Variants in BRD10 observed in about 807,000 individuals in gnomAD.
BRD10 encodes bromodomain containing 10.
At chr9:5,921,565 T>C in the BRD10 span, 2 of 1,613,836 alleles carry the variant, frequency 1.2e-6, no homozygotes, top group African/African-American at 1.3e-5. Flanking sequence ...TAGATGGAGC[T>C]GATACCAGCA....
chr9:5,896,003 C>T, the BRD10 span, among the ~76,000 whole-genome samples: 1 of 152,326 alleles, frequency 6.6e-6, no homozygotes, highest in Admixed American at 6.5e-5. Flanking sequence ...GTCACGAGAA[C>T]ACACTGAACA....
At chr9:5,985,996 T>C in the BRD10 span, among the ~76,000 whole-genome samples, 6 of 152,172 alleles carry the variant, frequency 3.9e-5, no homozygotes, top group African/African-American at 1.4e-4. Flanking sequence ...AGGTCCAGGA[T>C]ACAAGTGCAG....
chr9:5,948,535 T>G, the BRD10 span, among the ~76,000 whole-genome samples: 1 of 151,942 alleles, frequency 6.6e-6, no homozygotes, highest in Non-Finnish European at 1.5e-5. Context: ...ATCTCAGAAC[T>G]ACATAATAAA....
At chr9:5,904,957 T>C in the BRD10 span, among the ~76,000 whole-genome samples, 1 of 151,968 alleles carries the variant, frequency 6.6e-6, no homozygotes, top group African/African-American at 2.4e-5. Context: ...GTATTTATAG[T>C]AGAGATGTCA....
chr9:5,959,019 T>C, the BRD10 span, among the ~76,000 whole-genome samples: 1 of 152,236 alleles, frequency 6.6e-6, no homozygotes, highest in Non-Finnish European at 1.5e-5. Context: ...TAAGCAAATT[T>C]CTTATCATAC....
At chr9:5,893,585 AC>A in the BRD10 span, among the ~76,000 whole-genome samples, 2 of 152,168 alleles carry the variant, frequency 1.3e-5, no homozygotes, top group Non-Finnish European at 2.9e-5. Flanking sequence ...AAATGTCCTG[AC>A]AGCAAAAACA....
the BRD10 span, among the ~76,000 whole-genome samples, chr9:5,935,722 A>G: frequency 6.6e-6 from 1 of 152,216 alleles, no homozygotes; most frequent in Non-Finnish European, 1.5e-5. Flanking sequence ...CAAGTAAGTG[A>G]AATTAAGACG....
chr9:5,905,390 T>C, the BRD10 span, among the ~76,000 whole-genome samples: 14 of 152,330 alleles, frequency 9.2e-5, no homozygotes, highest in African/African-American at 3.4e-4. Flanking sequence ...CTGACCAGCA[T>C]TAATTTTAAA....
the BRD10 span, among the ~76,000 whole-genome samples, chr9:5,996,296 C>T: frequency 3.1e-5 from 3 of 98,248 alleles, no homozygotes; most frequent in South Asian, 1.3e-3. Flanking sequence ...AACTGAAGAC[C>T]ATGTAACTTG....
At chr9:5,986,334 T>C in the BRD10 span, among the ~76,000 whole-genome samples, 8 of 152,270 alleles carry the variant, frequency 5.3e-5, no homozygotes, top group African/African-American at 1.9e-4. Context: ...GAGTATTCCA[T>C]GGTCTGTATG....
At chr9:5,942,965 C>A in the BRD10 span, among the ~76,000 whole-genome samples, 30 of 152,266 alleles carry the variant, frequency 2.0e-4, no homozygotes, top group African/African-American at 6.5e-4. Context: ...GCAGCCTCGA[C>A]CTCCTGGGCA....
the BRD10 span, among the ~76,000 whole-genome samples, chr9:5,888,372 A>G: frequency 6.6e-6 from 1 of 152,230 alleles, no homozygotes; most frequent in Non-Finnish European, 1.5e-5. Flanking sequence ...ATTCTTAAAT[A>G]AATGTGGTTA....
chr9:5,995,941 G>C, the BRD10 span, among the ~76,000 whole-genome samples: 1 of 152,100 alleles, frequency 6.6e-6, no homozygotes, highest in Non-Finnish European at 1.5e-5. Context: ...TAACACCACT[G>C]ACAAAAATGT....
chr9:6,002,969 G>A, the BRD10 span, among the ~76,000 whole-genome samples: 1 of 152,180 alleles, frequency 6.6e-6, no homozygotes, highest in South Asian at 2.1e-4. Context: ...ACAGGCGTGA[G>A]CTGCCACACT....
chr9:5,942,949 C>T, the BRD10 span, among the ~76,000 whole-genome samples: 6 of 152,308 alleles, frequency 3.9e-5, no homozygotes, highest in East Asian at 9.6e-4. Context: ...ATGATCACAG[C>T]TCACTGCAGC....
the BRD10 span, among the ~76,000 whole-genome samples, chr9:5,942,931 G>A: frequency 1.3e-5 from 2 of 152,184 alleles, no homozygotes; most frequent in Admixed American, 1.3e-4. Context: ...AGGATGGAAC[G>A]CAGTGGCATG....
chr9:5,967,809 G>C, the BRD10 span, among the ~76,000 whole-genome samples: 1 of 151,720 alleles, frequency 6.6e-6, no homozygotes. Context: ...CAAACATACT[G>C]CATCAGTACT....
chr9:5,968,986 T>C, the BRD10 span: 2 of 1,609,836 alleles, frequency 1.2e-6, no homozygotes, highest in Non-Finnish European at 1.7e-6. Context: ...GAAAAGGTTT[T>C]TCTTCCAATG....
chr9:5,965,201 T>G, the BRD10 span, among the ~76,000 whole-genome samples: 134,863 of 151,962 alleles, frequency 0.89, 60,866 homozygotes, highest in Non-Finnish European at 0.99. Flanking sequence ...TAGTCCACCC[T>G]AAGTGAAGGT....
Sources: gnomAD v4.1 joint callset for allele counts (sites outside exome capture counted in the v4.1 genomes callset) on GRCh38, gnomAD v4.1.1 for gene constraint, MANE v1.5 for transcripts, NCBI Gene and HGNC (gene_info 2026-07-23, HGNC 2026-07-21) for gene names.